SLC41A2: variants seen among roughly 807,000 people sequenced by gnomAD.
SLC41A2 encodes the protein solute carrier family 41 member 2.
In SLC41A2, 32 loss-of-function variants were observed where a neutral mutation model predicts 58.3. The ratio of observed to expected loss-of-function variants is 0.55; its 90% CI spans 0.41 to 0.74. The LOEUF (loss-of-function observed/expected upper bound fraction) is 0.74. Among genes scored for constraint, SLC41A2 ranks in the 30% least tolerant of loss-of-function variants. The pLI is 0.00. For synonymous variants in SLC41A2, 190 were observed against 235.0 expected, an observed-to-expected ratio of 0.81 and a Z score of 1.75; for missense variants, 514 against 680.6, an observed-to-expected ratio of 0.76 and a Z score of 2.72.
chr12:104,857,543 C>T (rs980178954), intron 8 of SLC41A2, among the ~76,000 whole-genome samples: 33 of 152,180 alleles, frequency 2.2e-4, no homozygotes, highest in Non-Finnish European at 3.8e-4. Flanking sequence ...GCTATAAAGA[C>T]ACATGCACAT....
chr12:104,957,423 G>A (rs1377817582), intron 1 of SLC41A2, among the ~76,000 whole-genome samples: 2 of 152,076 alleles, frequency 1.3e-5, no homozygotes, highest in Non-Finnish European at 2.9e-5. Context: ...TTCTTTTGGG[G>A]ATGATGATCT....
intron 1 of SLC41A2, among the ~76,000 whole-genome samples, chr12:104,935,048 C>T (rs947386251): frequency 2.0e-5 from 3 of 152,202 alleles, no homozygotes; most frequent in Admixed American, 2.0e-4. Flanking sequence ...ACCTCCGCCT[C>T]CCAGGTTCAA....
At chr12:104,876,831 A>G (rs910855254) in intron 6 of SLC41A2, among the ~76,000 whole-genome samples, 17 of 152,130 alleles carry the variant, frequency 1.1e-4, no homozygotes, top group Non-Finnish European at 1.8e-4. Flanking sequence ...AATGCTTCCT[A>G]ATTGATTTTC....
intron 2 of SLC41A2, among the ~76,000 whole-genome samples, chr12:104,919,712 T>C (rs188036669): frequency 6.6e-6 from 1 of 152,330 alleles, no homozygotes; most frequent in East Asian, 1.9e-4. Flanking sequence ...GATTTAAGAG[T>C]TCTTACATAT....
chr12:104,927,848 C>A (rs901697117), intron 2 of SLC41A2, 125 bp downstream of exon 2: 94 of 887,158 alleles, frequency 1.1e-4, no homozygotes, highest in Non-Finnish European at 1.5e-4. Flanking sequence ...AGCATCTGTT[C>A]ATTTTACCAA....
intron 3 of SLC41A2, among the ~76,000 whole-genome samples, chr12:104,908,534 GA>G (rs758412489): frequency 6.6e-6 from 1 of 151,906 alleles, no homozygotes. Flanking sequence ...TTCTTTAAAG[GA>G]AAAAAACTTT....
chr12:104,812,410 T>G (rs977292830), intron 10 of SLC41A2, among the ~76,000 whole-genome samples: 5 of 152,216 alleles, frequency 3.3e-5, no homozygotes, highest in African/African-American at 1.2e-4. Context: ...AAGAATCTGA[T>G]TTTTTTCAAC....
intron 6 of SLC41A2, among the ~76,000 whole-genome samples, chr12:104,868,357 T>C (rs2043578530): frequency 6.6e-6 from 1 of 152,202 alleles, no homozygotes; most frequent in African/African-American, 2.4e-5. Flanking sequence ...TATTTTATTC[T>C]CAGGTCAAGA....
In SLC41A2 at chr12:104,844,522, A is replaced by C; in HGVS notation, c.1486T>G (p.Ser496Ala). 2.6e-6 allele frequency: 4 copies of C among 1,568,022 alleles called. No homozygotes were observed. The highest frequency in any genetic ancestry group is 3.5e-6 in the Non-Finnish European group (4 of 1,158,994). Residue 496 changes from serine (S) to alanine (A), a missense_variant, in exon 10 of 11, where the codon TCT (serine) becomes GCT (alanine). This residue lies in a region of SLC41A2 where 128 missense variants were observed against 146.0 expected (regional missense o/e 0.88). Transcript: ENST00000258538. ...TIHLMKSGHT[S>A]LTIIFIVVYL... Reference sequence around the variant, plus strand: ...ACTACTATGAAGATTATAGTTAAAGAAGTATGACCACTTTTCATCAAATGA... The same window carrying C: ...ACTACTATGAAGATTATAGTTAAAGCAGTATGACCACTTTTCATCAAATGA...
At chr12:104,913,237 AC>A (rs948157735) in intron 2 of SLC41A2, among the ~76,000 whole-genome samples, 1 of 152,184 alleles carries the variant, frequency 6.6e-6, no homozygotes, top group African/African-American at 2.4e-5. Context: ...GAACACTCTT[AC>A]GGCCAAGAGG....
intron 1 of SLC41A2, among the ~76,000 whole-genome samples, chr12:104,940,934 C>CAAAAAAAAA (rs386377636): frequency 3.1e-5 from 3 of 95,546 alleles, no homozygotes; most frequent in African/African-American, 1.2e-4. Flanking sequence ...GACTCTGCCT[C>CAAAAAAAAA]AAAAAAAAAA....
chr12:104,925,562 A>G (rs1046618894), intron 2 of SLC41A2, among the ~76,000 whole-genome samples: 33 of 68,950 alleles, frequency 4.8e-4, no homozygotes, highest in Admixed American at 1.2e-3. Context: ...CATCTCAAAA[A>G]AAGAAAAAAA....
intron 2 of SLC41A2, among the ~76,000 whole-genome samples, chr12:104,927,513 CTGCAAGTGTA>C (rs1374312433): frequency 6.6e-6 from 1 of 152,046 alleles, no homozygotes; most frequent in Non-Finnish European, 1.5e-5. Flanking sequence ...AGAAAAGAGG[CTGCAAGTGTA>C]TACAACGAAC....
intron 6 of SLC41A2, among the ~76,000 whole-genome samples, chr12:104,883,576 C>T (rs1378471435): frequency 6.6e-6 from 1 of 152,210 alleles, no homozygotes; most frequent in Non-Finnish European, 1.5e-5. Context: ...CAGTCAGGAC[C>T]CTCAGCTGCA....
At chr12:104,916,886 G>A (rs1275906490) in intron 2 of SLC41A2, among the ~76,000 whole-genome samples, 1 of 151,644 alleles carries the variant, frequency 6.6e-6, no homozygotes, top group Admixed American at 6.6e-5. Flanking sequence ...AGAAAACCTA[G>A]GCATTACCAT....
intron 2 of SLC41A2, among the ~76,000 whole-genome samples, chr12:104,910,821 AT>A: frequency 1.3e-5 from 2 of 152,298 alleles, no homozygotes; most frequent in African/African-American, 4.8e-5. Context: ...TCTTTGACAT[AT>A]TTTTAATGGC....
At chr12:104,832,748 GA>G (rs935653957) in intron 10 of SLC41A2, among the ~76,000 whole-genome samples, 54 of 146,474 alleles carry the variant, frequency 3.7e-4, no homozygotes, top group African/African-American at 1.2e-3. Flanking sequence ...AAGCTAAAAA[GA>G]AAAAAAAAAG....
At chr12:104,896,926 G>C (rs77517862) in intron 3 of SLC41A2, among the ~76,000 whole-genome samples, 3,589 of 152,222 alleles carry the variant, frequency 0.024, 96 homozygotes, top group East Asian at 0.15. Context: ...GATCAGACAC[G>C]CAGGTGTCCA....
At chr12:104,898,416 G>A (rs190659787) in intron 3 of SLC41A2, among the ~76,000 whole-genome samples, 1 of 151,652 alleles carries the variant, frequency 6.6e-6, no homozygotes, top group Admixed American at 6.6e-5. Flanking sequence ...TGAAATTATA[G>A]ATTTATAAAT....
Sources: gnomAD v4.1 joint callset for allele counts (sites outside exome capture counted in the v4.1 genomes callset) on GRCh38, gnomAD v4.1.1 for gene constraint, gnomAD v4.1.1 regional missense constraint, MANE v1.5 for transcripts, NCBI Gene and HGNC (gene_info 2026-07-23, HGNC 2026-07-21) for gene names.